The following PARD3B variants were observed in gnomAD, a reference collection of about 807,000 sequenced individuals.
The protein encoded by PARD3B is partitioning defective 3 homolog B.
PARD3B carries 103 observed loss-of-function variants against 130.2 expected under a neutral mutation model. The ratio of observed to expected loss-of-function variants is 0.79; its 90% CI spans 0.67 to 0.93. The LOEUF (loss-of-function observed/expected upper bound fraction) is 0.93. PARD3B is among the 40% of genes least tolerant of loss of function. The pLI, the probability that PARD3B is intolerant of heterozygous loss-of-function variation, is 0.00. For synonymous variants in PARD3B, 583 were observed against 553.2 expected (o/e 1.05, Z -0.76); for missense variants, 1,609 against 1,499.2 (o/e 1.07, Z -1.21).
intron 22 of PARD3B, among the ~76,000 whole-genome samples, chr2:205,586,159 A>G (rs961188373): frequency 7.3e-5 from 11 of 149,938 alleles, no homozygotes; most frequent in Non-Finnish European, 1.5e-4. Context: ...TCCGCTCTTT[A>G]TTTATGATGA....
intron 21 of PARD3B, among the ~76,000 whole-genome samples, chr2:205,515,807 C>T (rs931021530): frequency 1.3e-5 from 2 of 152,040 alleles, no homozygotes; most frequent in Admixed American, 6.6e-5. Flanking sequence ...TTATTTAGAT[C>T]TCATTTGTCA....
Position 205,360,672 on chromosome 2 carries a change from C to A in PARD3B, c.2631-40341C>A, listed in dbSNP as rs543156879. 7.2e-5 allele frequency among the ~76,000 whole-genome samples: 11 copies of A among 152,206 alleles called. No homozygotes were observed. The South Asian group carries it at 2.3e-3, about 32-fold the overall frequency. ...GGGTTGGGGCATACCGTGTCATGGC[C>A]AGGTGCATGGGCTCTGGGGCTGAAC... On this transcript the variant is annotated intron_variant, in intron 18 of 22. Transcript: ENST00000406610.
intron 2 of PARD3B, among the ~76,000 whole-genome samples, chr2:204,852,792 A>G (rs1475317948): frequency 6.6e-6 from 1 of 152,176 alleles, no homozygotes; most frequent in Non-Finnish European, 1.5e-5. Context: ...CTCAGCTAAA[A>G]TTTATTTAAT....
chr2:205,375,113 C>T (rs1559715617), intron 18 of PARD3B, among the ~76,000 whole-genome samples: 1 of 152,098 alleles, frequency 6.6e-6, no homozygotes, highest in Non-Finnish European at 1.5e-5. Flanking sequence ...CTTTGTTCTC[C>T]AGTACTGTTC....
At chr2:205,316,513 A>G (rs13022810) in intron 18 of PARD3B, among the ~76,000 whole-genome samples, 84,421 of 152,008 alleles carry the variant, frequency 0.56, 27,115 homozygotes, top group South Asian at 0.75. Context: ...TTGAATATCT[A>G]TTAAGCACTA....
chr2:204,840,475 A>T (rs1010904632), intron 2 of PARD3B, among the ~76,000 whole-genome samples: 2 of 152,182 alleles, frequency 1.3e-5, no homozygotes, highest in Admixed American at 1.3e-4. Flanking sequence ...ACCCACTTTA[A>T]TACGAATACA....
At chr2:205,394,239 C>T (rs1324655746) in intron 18 of PARD3B, among the ~76,000 whole-genome samples, 1 of 152,158 alleles carries the variant, frequency 6.6e-6, no homozygotes, top group Non-Finnish European at 1.5e-5. Flanking sequence ...GGGGGTTTTT[C>T]TATAACCCTC....
chr2:204,645,393 A>G (rs2035237118), intron 1 of PARD3B, among the ~76,000 whole-genome samples: 1 of 152,198 alleles, frequency 6.6e-6, no homozygotes, highest in South Asian at 2.1e-4. Context: ...AATAAAAATT[A>G]TTCAAGAGAA....
In PARD3B at chr2:205,010,008, A is replaced by G. The variant is rs557198161; in HGVS notation, c.395-37573A>G. 3.9e-4 allele frequency among the ~76,000 whole-genome samples: 59 copies of G among 152,266 alleles called. 1 individual carries two copies. The South Asian group carries it at 0.011, about 29-fold the overall frequency. On this transcript the variant is annotated intron_variant, in intron 3 of 22. Transcript: ENST00000406610. ...ATTATTTGTTTTCATTTTATAGAGA[A>G]ACAGAAAACTAAGGTGCTCTCTCTC...
At chr2:204,839,529 A>T (rs2044185084) in intron 2 of PARD3B, among the ~76,000 whole-genome samples, 1 of 152,124 alleles carries the variant, frequency 6.6e-6, no homozygotes, top group Admixed American at 6.5e-5. Context: ...TCCCTGCCTC[A>T]ATCTGATGTG....
rs1699145201 is a variant in PARD3B, at chr2:205,050,905, G to A, written c.504+3215G>A. Among the ~76,000 whole-genome samples the A allele has an allele frequency of 3.9e-5, 6 of 152,088 alleles. No homozygotes were observed. The South Asian group carries it at 1.2e-3, about 32-fold the overall frequency. On this transcript the variant is annotated intron_variant, in intron 4 of 22. Transcript: ENST00000406610. The stretch of plus-strand genomic sequence containing the variant: ...AACAGTGCAATTCGGTTTGCCTGGG[G>A]CAGTCCTGGTTAGTGCCCGTTGTTC...
At position 204,806,991 on chromosome 2, in the gene PARD3B, A is replaced by G. The variant is rs781476082; in HGVS notation, c.222+120709A>G. On this transcript the variant is annotated intron_variant, in intron 2 of 22. Coordinates refer to ENST00000406610, the MANE Select transcript of PARD3B (RefSeq NM_001302769.2). ...AGAGGTTCAATGAACTCACAGTTCT[A>G]TATGTCTGGGGAGGCTTCACAATTA... 3.3e-5 allele frequency among the ~76,000 whole-genome samples: 5 copies of G among 152,164 alleles called. No individual in the cohort carries two copies. In the East Asian group the frequency reaches 5.8e-4, roughly 18 times the overall value.
At chr2:205,535,047 T>G (rs1442773661) in intron 21 of PARD3B, among the ~76,000 whole-genome samples, 1 of 151,964 alleles carries the variant, frequency 6.6e-6, no homozygotes, top group Non-Finnish European at 1.5e-5. Context: ...TAAAATGGAG[T>G]TCTTTTTTGC....
chr2:205,064,632 C>T (rs965423211), intron 4 of PARD3B, among the ~76,000 whole-genome samples: 30 of 152,106 alleles, frequency 2.0e-4, no homozygotes, highest in Admixed American at 4.6e-4. Flanking sequence ...CAGACATTCC[C>T]ATAAGTGTAT....
At chr2:205,532,652 A>G (rs1289378799) in intron 21 of PARD3B, among the ~76,000 whole-genome samples, 1 of 152,200 alleles carries the variant, frequency 6.6e-6, no homozygotes, top group Non-Finnish European at 1.5e-5. Context: ...ACAAAGCTAC[A>G]TATTAATTCA....
In PARD3B at chr2:205,460,938, T is replaced by A. The variant is rs143468726; in HGVS notation, c.3044+20266T>A. 2.5e-3 allele frequency among the ~76,000 whole-genome samples: 380 copies of A among 152,292 alleles called. 1 individual carries two copies. The highest frequency in any genetic ancestry group is 8.5e-3 in the African/African-American group (354 of 41,572). Reference sequence around the variant, plus strand: ...CAGAAACCACTGATGATGTATTCTGTACCAGCTTAGCCTCCAGTCCAGGGC... The same window carrying A: ...CAGAAACCACTGATGATGTATTCTGAACCAGCTTAGCCTCCAGTCCAGGGC... On this transcript the variant is annotated intron_variant, in intron 20 of 22. Transcript: ENST00000406610. The surrounding 1 kb of genome is among the most constrained non-coding windows in gnomAD (Gnocchi z 4.9).
intron 2 of PARD3B, among the ~76,000 whole-genome samples, chr2:204,693,839 C>T (rs1313545610): frequency 1.3e-5 from 2 of 151,946 alleles, no homozygotes; most frequent in African/African-American, 4.8e-5. Flanking sequence ...TCCTGCCCAT[C>T]GAAGATTCAG....
intron 5 of PARD3B, 74 bp downstream of exon 5, chr2:205,104,588 CTTACT>C: frequency 9.5e-7 from 1 of 1,055,476 alleles, no homozygotes; most frequent in South Asian, 1.4e-5. Context: ...TATAATTGTT[CTTACT>C]TTACAAGAAA....
rs149719521 is a variant in PARD3B at position 205,047,823 on chromosome 2, T to C, written c.504+133T>C. 145 of 591,542 alleles carry C rather than the reference T, an allele frequency of 2.5e-4. 1 individual carries two copies. In the African/African-American group the frequency reaches 2.5e-3, roughly 10 times the overall value. 36.6% of individuals were successfully genotyped at this position (591,542 alleles called of 1,614,324 possible). A position where few individuals can be genotyped will look rare whatever the true frequency, so the allele number is the denominator to read the frequency against. On this transcript the variant is annotated intron_variant, in intron 4 of 22. Transcript: ENST00000406610. ...TTGATAGTATATATAGTATTAGTTATACTAATAGCTAGTATGGGCTATTAC... is the reference window on the plus strand; with the variant it reads ...TTGATAGTATATATAGTATTAGTTACACTAATAGCTAGTATGGGCTATTAC...
Sources: allele counts gnomAD v4.1 joint callset (sites outside exome capture counted in the v4.1 genomes callset), GRCh38; gene constraint gnomAD v4.1.1; non-coding constraint Gnocchi (gnomAD v3.1); transcripts MANE v1.5; gene names NCBI Gene and HGNC (gene_info 2026-07-23, HGNC 2026-07-21).